Variants in RFC3 observed in about 807,000 individuals in gnomAD.
The protein encoded by RFC3 is replication factor C subunit 3.
A neutral mutation model predicts 45.1 loss-of-function variants in RFC3; 41 were observed. The ratio of observed to expected loss-of-function variants is 0.91; its 90% CI spans 0.71 to 1.18. The LOEUF is 1.18. Ranked by LOEUF, RFC3 falls within the 50% of genes most tolerant of loss-of-function variation. The pLI, the probability that RFC3 is intolerant of heterozygous loss-of-function variation, is 0.00. For synonymous variants in RFC3, 149 were observed against 144.0 expected (o/e 1.03, Z -0.25); for missense variants, 423 against 428.1 (o/e 0.99, Z 0.10).
chr13:33,866,580 C>T (rs1302683787), intron 8 of RFC3, among the ~76,000 whole-genome samples: 3 of 152,138 alleles, frequency 2.0e-5, no homozygotes, highest in African/African-American at 7.2e-5. Context: ...AGCCCTGAGC[C>T]ACATCAAAAA....
At chr13:33,888,416 A>G (rs1341117804) in intron 8 of RFC3, among the ~76,000 whole-genome samples, 1 of 152,184 alleles carries the variant, frequency 6.6e-6, no homozygotes, top group Non-Finnish European at 1.5e-5. Flanking sequence ...TCCTGTAATT[A>G]TATATTGTTA....
intron 8 of RFC3, chr13:33,850,651 A>C (rs2082270778): frequency 6.6e-6 from 1 of 152,172 alleles, no homozygotes; most frequent in Non-Finnish European, 1.5e-5. Flanking sequence ...TTAGAAAAAC[A>C]AACATTAGCA....
At chr13:33,901,130 T>G (rs2082639332) in intron 8 of RFC3, among the ~76,000 whole-genome samples, 1 of 151,940 alleles carries the variant, frequency 6.6e-6, no homozygotes, top group South Asian at 2.1e-4. Flanking sequence ...GAAAACAATA[T>G]GGAAATTCGT....
At chr13:33,851,295 G>T (rs1156724577) in intron 8 of RFC3, among the ~76,000 whole-genome samples, 1 of 152,128 alleles carries the variant, frequency 6.6e-6, no homozygotes, top group Non-Finnish European at 1.5e-5. Context: ...CTTGAACAAT[G>T]TCGGGGGTTG....
intron 8 of RFC3, among the ~76,000 whole-genome samples, chr13:33,895,214 C>T (rs2082589922): frequency 2.0e-5 from 3 of 152,176 alleles, no homozygotes; most frequent in Non-Finnish European, 4.4e-5. Context: ...AAACAGACAA[C>T]CCACAGAGTG....
intron 8 of RFC3, among the ~76,000 whole-genome samples, chr13:33,905,397 C>T (rs1034645968): frequency 5.3e-5 from 8 of 151,596 alleles, no homozygotes; most frequent in Non-Finnish European, 8.8e-5. Flanking sequence ...AAAACATCAT[C>T]GCTGATTTCT....
intron 8 of RFC3, among the ~76,000 whole-genome samples, chr13:33,943,383 C>T (rs1289214103): frequency 6.6e-6 from 1 of 152,150 alleles, no homozygotes; most frequent in Non-Finnish European, 1.5e-5. Flanking sequence ...CTTAAAACAT[C>T]ATACATATTT....
At chr13:33,914,672 A>G (rs1007727705) in intron 8 of RFC3, among the ~76,000 whole-genome samples, 14 of 152,168 alleles carry the variant, frequency 9.2e-5, no homozygotes, top group Admixed American at 9.2e-4. Flanking sequence ...ATAAATTGGA[A>G]ACAAATTATA....
At chr13:33,884,966 A>G (rs1309120880) in intron 8 of RFC3, among the ~76,000 whole-genome samples, 1 of 152,086 alleles carries the variant, frequency 6.6e-6, no homozygotes, top group Non-Finnish European at 1.5e-5. Context: ...GAACTCCTCG[A>G]CCTCTTAGTG....
chr13:33,867,064 C>A (rs1157162777), intron 8 of RFC3, among the ~76,000 whole-genome samples: 1 of 152,158 alleles, frequency 6.6e-6, no homozygotes, highest in East Asian at 1.9e-4. Context: ...GAAGGGCCAA[C>A]TGGAAGTTTA....
At chr13:33,821,916 A>G (rs1269465384) in intron 2 of RFC3, among the ~76,000 whole-genome samples, 1 of 152,216 alleles carries the variant, frequency 6.6e-6, no homozygotes, top group Non-Finnish European at 1.5e-5. Flanking sequence ...CTTTGGTTGT[A>G]GTAGTTTATA....
intron 8 of RFC3, among the ~76,000 whole-genome samples, chr13:33,888,651 A>G (rs1022675256): frequency 6.6e-6 from 1 of 152,160 alleles, no homozygotes; most frequent in Non-Finnish European, 1.5e-5. Context: ...CATATAGCAG[A>G]TTCCTGGAAA....
At chr13:33,838,600 A>G (rs1020091633), downstream of RFC3, among the ~76,000 whole-genome samples, 2 of 152,074 alleles carry the variant, frequency 1.3e-5, no homozygotes, top group Non-Finnish European at 2.9e-5. Flanking sequence ...GGCTTTTAGT[A>G]GTGTATGATA....
chr13:33,921,772 C>A (rs1446687045), intron 8 of RFC3, among the ~76,000 whole-genome samples: 1 of 152,096 alleles, frequency 6.6e-6, no homozygotes, highest in Non-Finnish European at 1.5e-5. Flanking sequence ...ATCTCTTCCT[C>A]CAGACTTCAA....
At position 33,948,067 on chromosome 13, in the gene RFC3, G is replaced by A. The variant is rs947451516; in HGVS notation, c.880-18020G>A. On this transcript the variant is annotated intron_variant, in intron 8 of 8. Transcript: ENST00000434425. ...TAATCACCAAGACAATGGGGAAAATGTCTCCAGGGCATGTTAGAGACCTTC... is the reference window on the plus strand; with the variant it reads ...TAATCACCAAGACAATGGGGAAAATATCTCCAGGGCATGTTAGAGACCTTC... 2.0e-5 allele frequency among the ~76,000 whole-genome samples: 3 copies of A among 152,212 alleles called. No homozygotes were observed. The East Asian group carries it at 5.8e-4, about 29-fold the overall frequency.
chr13:33,880,332 G>A (rs1362988136), intron 8 of RFC3, among the ~76,000 whole-genome samples: 1 of 152,156 alleles, frequency 6.6e-6, no homozygotes, highest in Non-Finnish European at 1.5e-5. Context: ...GTTAAGTGCA[G>A]CATTTTGGAT....
At chr13:33,899,921 C>T (rs2082628865) in intron 8 of RFC3, among the ~76,000 whole-genome samples, 1 of 151,826 alleles carries the variant, frequency 6.6e-6, no homozygotes, top group African/African-American at 2.4e-5. Flanking sequence ...AAAGAAATCC[C>T]ATTTACAATA....
chr13:33,957,023 A>G (rs978516743), intron 8 of RFC3, among the ~76,000 whole-genome samples: 2 of 151,792 alleles, frequency 1.3e-5, no homozygotes, highest in Non-Finnish European at 1.5e-5. Context: ...TCTATCATCT[A>G]TCTATCCATG....
At chr13:33,837,671 C>T (rs1450341215), downstream of RFC3, among the ~76,000 whole-genome samples, 2 of 152,010 alleles carry the variant, frequency 1.3e-5, no homozygotes, top group Admixed American at 6.6e-5. Flanking sequence ...CCTGTTGTTC[C>T]TATAGTATTG....
Sources: gnomAD v4.1 joint callset for allele counts (sites outside exome capture counted in the v4.1 genomes callset) on GRCh38, gnomAD v4.1.1 for gene constraint, MANE v1.5 for transcripts, NCBI Gene and HGNC (gene_info 2026-07-23, HGNC 2026-07-21) for gene names.